Variants in YTHDF3 observed in about 807,000 individuals in gnomAD.
YTHDF3 encodes YTH N6-methyladenosine RNA binding protein F3, also known as YTH domain-containing family protein 3.
Under a neutral mutation model 52.5 loss-of-function variants are expected in YTHDF3, and 9 were observed. The ratio of observed to expected loss-of-function variants is 0.17; its 90% CI spans 0.10 to 0.30. YTHDF3 has a LOEUF of 0.30. YTHDF3 is among the 10% of genes least tolerant of loss of function. The probability of loss-of-function intolerance (pLI) is 1.00; values close to 1 mark genes in which losing one functional copy is unlikely to be tolerated. For missense variants in YTHDF3, 534 were observed against 715.0 expected, an observed-to-expected ratio of 0.75 and a Z score of 2.89; for synonymous variants, 274 against 243.3, an observed-to-expected ratio of 1.13 and a Z score of -1.18.
At chr8:63,175,950 G>T (rs1312547902) in intron 3 of YTHDF3, among the ~76,000 whole-genome samples, 1 of 152,086 alleles carries the variant, frequency 6.6e-6, no homozygotes, top group Non-Finnish European at 1.5e-5. Flanking sequence ...AAACATACTT[G>T]CTTTATAAAC....
chr8:63,207,034 T>C (rs761585083), intron 4 of YTHDF3, among the ~76,000 whole-genome samples: 23 of 152,202 alleles, frequency 1.5e-4, no homozygotes, highest in Non-Finnish European at 3.2e-4. Context: ...ACTCAATCTG[T>C]ATTTTTGCTA....
chr8:63,195,805 T>C (rs1056650247), intron 4 of YTHDF3, among the ~76,000 whole-genome samples: 1 of 151,694 alleles, frequency 6.6e-6, no homozygotes, highest in Admixed American at 6.6e-5. Flanking sequence ...TGTGTGTGTG[T>C]GCGTGCATGT....
intron 4 of YTHDF3, among the ~76,000 whole-genome samples, chr8:63,191,727 A>T (rs1327413248): frequency 6.6e-6 from 1 of 152,164 alleles, no homozygotes; most frequent in Non-Finnish European, 1.5e-5. Flanking sequence ...GACATTTTCC[A>T]TATTGTCATA....
intron 4 of YTHDF3, among the ~76,000 whole-genome samples, chr8:63,196,015 T>C (rs1809215297): frequency 6.6e-6 from 1 of 152,056 alleles, no homozygotes; most frequent in African/African-American, 2.4e-5. Flanking sequence ...TCGCCCAGGT[T>C]GGTTTAGAAC....
rs2150375218 is a variant in YTHDF3 at position 63,187,817 on chromosome 8, GT to G, written c.1734+75del. 1.2e-5 allele frequency: 17 copies of G among 1,457,102 alleles called. 1 individual carries two copies. In the South Asian group the frequency reaches 1.6e-4, roughly 14 times the overall value. 90.3% of individuals were successfully genotyped at this position (1,457,102 alleles called of 1,614,324 possible). On this transcript the variant is annotated intron_variant, in intron 4 of 4. Transcript: ENST00000539294. ...GGGTGCATGGATGGGTATATTCTGAGTTTAAGAACTTTCTGTGAAGGAAACC... is the reference window on the plus strand; with the variant it reads ...GGGTGCATGGATGGGTATATTCTGAGTTAAGAACTTTCTGTGAAGGAAACC...
chr8:63,186,753 C>T lies in YTHDF3; in HGVS notation c.742C>T (p.Pro248Ser). 1 of 1,613,972 alleles carries T rather than the reference C, an allele frequency of 6.2e-7. No individual in the cohort carries two copies. Among genetic ancestry groups the T allele is most frequent in the Non-Finnish European group, 8.5e-7 (1 of 1,179,888 alleles). The change falls in exon 4 of 5, where the codon CCT becomes TCT. Residue 248 changes from proline to serine, a missense_variant. Physicochemically the swap from Pro to Ser is moderately conservative, Grantham distance 74. Around this residue, in one of 3 missense-constraint regions of YTHDF3, gnomAD observed 203 missense variants for 201.3 expected, o/e 1.01. Coordinates refer to ENST00000539294, the MANE Select transcript of YTHDF3 (RefSeq NM_152758.6). ...WAAIARKPAK[P>S]QPKLKPKGNV... Reference sequence around the variant, plus strand: ...TGCCATTGCCAGAAAGCCTGCCAAACCTCAACCGAAACTTAAACCCAAGGG... The same window carrying T: ...TGCCATTGCCAGAAAGCCTGCCAAATCTCAACCGAAACTTAAACCCAAGGG...
chr8:63,190,207 A>T (rs1177369912), intron 4 of YTHDF3, among the ~76,000 whole-genome samples: 1 of 152,132 alleles, frequency 6.6e-6, no homozygotes. Context: ...AATAGCATGG[A>T]AGTGGGATGA....
intron 3 of YTHDF3, among the ~76,000 whole-genome samples, chr8:63,180,928 C>T (rs936771061): frequency 2.6e-5 from 4 of 152,158 alleles, no homozygotes; most frequent in East Asian, 1.9e-4. Context: ...GCAGCAGTAC[C>T]GTCCAGCTTC....
At chr8:63,187,969 TC>T (rs1392310057) in intron 4 of YTHDF3, among the ~76,000 whole-genome samples, 1 of 152,158 alleles carries the variant, frequency 6.6e-6, no homozygotes, top group Admixed American at 6.5e-5. Flanking sequence ...TTCTTCATAC[TC>T]CCTAGATGAT....
chr8:63,182,762 A>C (rs1282805716), intron 3 of YTHDF3, among the ~76,000 whole-genome samples: 3 of 152,072 alleles, frequency 2.0e-5, no homozygotes, highest in African/African-American at 7.2e-5. Flanking sequence ...ATGCATCTCC[A>C]TGTGGGATTT....
chr8:63,175,134 A>G (rs1005448635), intron 2 of YTHDF3, among the ~76,000 whole-genome samples, 197 bp from the exon 3 acceptor site: 1 of 152,182 alleles, frequency 6.6e-6, no homozygotes, highest in Non-Finnish European at 1.5e-5. Flanking sequence ...GGGCTTATGT[A>G]TCAAAAGACT....
At chr8:63,185,229 ATACTT>A (rs909416529) in intron 3 of YTHDF3, among the ~76,000 whole-genome samples, 3 of 152,242 alleles carry the variant, frequency 2.0e-5, no homozygotes, top group African/African-American at 7.2e-5. Flanking sequence ...AGTATTTAAA[ATACTT>A]TAAAGTATTT....
At chr8:63,205,219 C>T (rs922191430) in intron 4 of YTHDF3, among the ~76,000 whole-genome samples, 3 of 152,058 alleles carry the variant, frequency 2.0e-5, no homozygotes, top group Admixed American at 1.3e-4. Flanking sequence ...CTGTCTAAAG[C>T]GTCTTTTTCT....
chr8:63,205,700 C>T (rs1385015683), intron 4 of YTHDF3, among the ~76,000 whole-genome samples: 1 of 152,136 alleles, frequency 6.6e-6, no homozygotes, highest in South Asian at 2.1e-4. Flanking sequence ...TCTCTAAGTG[C>T]TGGTATTACA....
chr8:63,186,985 C>A lies in YTHDF3; in HGVS notation c.974C>A (p.Pro325Gln), dbSNP rs758438116. Residue 325 changes from proline to glutamine, a missense_variant, in exon 4 of 5, where the codon CCA becomes CAA. Coordinates refer to ENST00000539294, the MANE Select transcript of YTHDF3 (RefSeq NM_152758.6). ...CAACTGCCTCAACAGCAGCCTCAAC[C>A]ACCACAACCACAGCAGCAACAAGGA... ...QSQLPQQQPQ[P>Q]PQPQQQQGPQ... 1.9e-6 allele frequency: 3 copies of A among 1,613,530 alleles called. No homozygotes were observed. Among genetic ancestry groups the A allele is most frequent in the African/African-American group, 2.7e-5 (2 of 74,922 alleles).
chr8:63,184,143 G>A (rs1005948336), intron 3 of YTHDF3, among the ~76,000 whole-genome samples: 8 of 152,204 alleles, frequency 5.3e-5, no homozygotes, highest in Non-Finnish European at 2.9e-5. Context: ...CCACTGATAT[G>A]AAGGACTGAT....
intron 4 of YTHDF3, among the ~76,000 whole-genome samples, chr8:63,201,708 G>T (rs16930253): frequency 0.099 from 15,005 of 152,184 alleles, 841 homozygotes; most frequent in East Asian, 0.23. Context: ...TGCTGAATTA[G>T]AAATAACTTG....
Position 63,186,817 on chromosome 8 carries a change from C to A in YTHDF3, c.806C>A (p.Pro269His). 1.9e-6 allele frequency: 3 copies of A among 1,613,946 alleles called. No homozygotes were observed. Among genetic ancestry groups the A allele is most frequent in the Non-Finnish European group, 2.5e-6 (3 of 1,179,868 alleles). The change falls in exon 4 of 5, where the codon CCT (proline) becomes CAT (histidine). Residue 269 changes from proline to histidine, a missense_variant. Pro to His is a moderately conservative substitution (Grantham distance 77). Transcript: ENST00000539294. ...GGGGGTTCTGCTGTACCACCACCTC[C>A]TATAAAACACAACATGAATATTGGA... ...GIGGSAVPPP[P>H]IKHNMNIGTW...
chr8:63,192,461 C>T (rs1389714871), intron 4 of YTHDF3, among the ~76,000 whole-genome samples: 1 of 152,152 alleles, frequency 6.6e-6, no homozygotes, highest in African/African-American at 2.4e-5. Context: ...AAAGGGAAAG[C>T]CAGTATAATG....
Sources: allele counts gnomAD v4.1 joint callset (sites outside exome capture counted in the v4.1 genomes callset), GRCh38; gene constraint gnomAD v4.1.1; regional missense constraint gnomAD v4.1.1; transcripts MANE v1.5; gene names NCBI Gene and HGNC (gene_info 2026-07-23, HGNC 2026-07-21).